ANXA10: variants seen among roughly 807,000 people sequenced by gnomAD.
The protein encoded by ANXA10 is annexin 14.
In ANXA10, 49 loss-of-function variants were observed where a neutral mutation model predicts 53.5. That is an observed-to-expected ratio of 0.92 (90% CI 0.73 to 1.16). The LOEUF (loss-of-function observed/expected upper bound fraction) is 1.16. Ranked by LOEUF, ANXA10 falls within the 50% of genes most tolerant of loss-of-function variation. The pLI, the probability that ANXA10 is intolerant of heterozygous loss-of-function variation, is 0.00. For synonymous variants in ANXA10, 131 were observed against 128.9 expected (o/e 1.02, Z -0.11); for missense variants, 393 against 394.4 (o/e 1.00, Z 0.03).
intron 1 of ANXA10, among the ~76,000 whole-genome samples, chr4:168,126,709 AAATAT>A (rs1213143045): frequency 6.6e-6 from 1 of 152,176 alleles, no homozygotes; most frequent in Non-Finnish European, 1.5e-5. Flanking sequence ...GCAAAACATT[AAATAT>A]AATAAGTATA....
chr4:168,171,508 T>A (rs1731986497), intron 6 of ANXA10, among the ~76,000 whole-genome samples: 1 of 152,172 alleles, frequency 6.6e-6, no homozygotes. Flanking sequence ...TCACTAAAAT[T>A]CAGACACACC....
At chr4:168,173,454 T>C (rs1732056345) in intron 6 of ANXA10, among the ~76,000 whole-genome samples, 1 of 152,204 alleles carries the variant, frequency 6.6e-6, no homozygotes, top group Non-Finnish European at 1.5e-5. Flanking sequence ...CGTGGTTTTA[T>C]GCTTTAAAAT....
intron 1 of ANXA10, among the ~76,000 whole-genome samples, chr4:168,096,927 T>G (rs1730556687): frequency 1.5e-5 from 1 of 65,628 alleles, no homozygotes; most frequent in African/African-American, 4.6e-5. Flanking sequence ...TATATATATA[T>G]ATGTATGTAT....
intron 1 of ANXA10, among the ~76,000 whole-genome samples, chr4:168,125,903 C>T (rs571738759): frequency 9.1e-4 from 138 of 152,014 alleles, no homozygotes; most frequent in Non-Finnish European, 1.7e-3. Context: ...TAACTAGAAG[C>T]AAAGATTATA....
chr4:168,185,024 C>G (rs748766201), intron 11 of ANXA10, among the ~76,000 whole-genome samples: 6 of 152,134 alleles, frequency 3.9e-5, no homozygotes, highest in African/African-American at 1.4e-4. Flanking sequence ...TGTGGTGGCA[C>G]ACGCCTGTAG....
At chr4:168,102,932 A>G (rs1221648103) in intron 1 of ANXA10, among the ~76,000 whole-genome samples, 6 of 152,182 alleles carry the variant, frequency 3.9e-5, no homozygotes, top group African/African-American at 1.4e-4. Flanking sequence ...GAATTTCTTT[A>G]TGGGTAATGA....
intron 1 of ANXA10, among the ~76,000 whole-genome samples, chr4:168,116,670 CAATT>C (rs1340462591): frequency 2.6e-5 from 4 of 151,626 alleles, no homozygotes; most frequent in African/African-American, 9.7e-5. Flanking sequence ...AGAAGAAATC[CAATT>C]AATATGCAAT....
In ANXA10 at chr4:168,187,404, C is replaced by T; in HGVS notation, c.945C>T (p.Ala315=). The T allele has an allele frequency of 1.3e-6, 2 of 1,597,116 alleles. No homozygotes were observed. Among genetic ancestry groups the T allele is most frequent in the Non-Finnish European group, 1.7e-6 (2 of 1,170,462 alleles). The part of the protein sequence containing the change: ...ASGHYKKALL[A]ICAGDAEDY ...GGCATTATAAGAAAGCACTGCTTGCCATCTGTGCTGGTGATGCTGAGGACT... is the reference window on the plus strand; with the variant it reads ...GGCATTATAAGAAAGCACTGCTTGCTATCTGTGCTGGTGATGCTGAGGACT... Residue 315 remains alanine (A), a synonymous_variant, in exon 12 of 12, where the codon GCC becomes GCT. Coordinates refer to ENST00000359299, the MANE Select transcript of ANXA10 (RefSeq NM_007193.5).
In ANXA10 at chr4:168,164,284, C is replaced by T; in HGVS notation, c.396C>T (p.Cys132=). The change falls in exon 5 of 12, where the codon TGC becomes TGT. Residue 132 remains cysteine (C), a synonymous_variant. Coordinates refer to ENST00000359299, the MANE Select transcript of ANXA10 (RefSeq NM_007193.5). ...TTTTCCAGATGCGAGAAGCCTACTG[C>T]TTGCGTAAGGAAATATACATATGTG... The part of the protein sequence containing the change: ...GEIFQMREAY[C]LQYSNNLQED... 1.2e-6 allele frequency: 2 copies of T among 1,605,422 alleles called. No homozygotes were observed. Among genetic ancestry groups the T allele is most frequent in the South Asian group, 1.1e-5 (1 of 90,812 alleles).
chr4:168,154,732 A>G (rs931950251), intron 3 of ANXA10, among the ~76,000 whole-genome samples: 1 of 152,176 alleles, frequency 6.6e-6, no homozygotes, highest in Non-Finnish European at 1.5e-5. Context: ...CTTTGGTCGC[A>G]TATAATTAGT....
chr4:168,148,477 T>A (rs187453054), intron 3 of ANXA10, among the ~76,000 whole-genome samples: 2 of 152,326 alleles, frequency 1.3e-5, no homozygotes, highest in African/African-American at 4.8e-5. Context: ...GACAATTTTT[T>A]AAAATGAGTC....
At chr4:168,126,263 T>G (rs999722981) in intron 1 of ANXA10, among the ~76,000 whole-genome samples, 2 of 152,156 alleles carry the variant, frequency 1.3e-5, no homozygotes, top group Non-Finnish European at 1.5e-5. Flanking sequence ...CTCAAAAAAA[T>G]TAGTAGATTA....
At chr4:168,103,507 G>A (rs553544563) in intron 1 of ANXA10, among the ~76,000 whole-genome samples, 1 of 151,754 alleles carries the variant, frequency 6.6e-6, no homozygotes, top group Admixed American at 6.6e-5. Flanking sequence ...CTGTCCAATC[G>A]AGCTATACTT....
At chr4:168,156,975 G>T (rs1403028699) in intron 3 of ANXA10, among the ~76,000 whole-genome samples, 1 of 151,814 alleles carries the variant, frequency 6.6e-6, no homozygotes, top group Non-Finnish European at 1.5e-5. Flanking sequence ...CATTCCTCTA[G>T]GGCACCAATA....
Position 168,187,461 on chromosome 4 carries a change from A to G in ANXA10, c.*27A>G. The G allele has an allele frequency of 6.7e-7, 1 of 1,488,470 alleles. No individual in the cohort carries two copies. The highest frequency in any genetic ancestry group is 9.1e-7 in the Non-Finnish European group (1 of 1,094,808). The allele number at this position is 1,488,470 out of a possible 1,614,324, so 92.2% of individuals were successfully genotyped here. A position where few individuals can be genotyped will look rare whatever the true frequency, so the allele number is the denominator to read the frequency against. ...ATGAAGAGGACTTGGAGTACTGTGC[A>G]CTCCTCTTTCTAGACACTTCCAAAT... is the stretch of plus-strand genomic sequence containing the variant. On this transcript the variant is annotated 3_prime_UTR_variant, in exon 12 of 12. Coordinates refer to ENST00000359299, the MANE Select transcript of ANXA10 (RefSeq NM_007193.5).
In ANXA10 at chr4:168,143,356, C is replaced by G. The variant is rs549127324; in HGVS notation, c.195+3776C>G. ...AATCAAGAGTTGACAGAATCATTTT[C>G]TTAGCTGCTGAGTGAAGTACAATTC... On this transcript the variant is annotated intron_variant, in intron 3 of 11. Coordinates refer to ENST00000359299, the MANE Select transcript of ANXA10 (RefSeq NM_007193.5). Among the ~76,000 whole-genome samples, 5 of 152,316 alleles carry G rather than the reference C, an allele frequency of 3.3e-5. No homozygotes were observed. The East Asian group carries it at 9.6e-4, about 29-fold the overall frequency.
At chr4:168,166,631 C>CGTGTGTGTGT (rs34797848) in intron 6 of ANXA10, among the ~76,000 whole-genome samples, 93 of 136,794 alleles carry the variant, frequency 6.8e-4, no homozygotes, top group South Asian at 3.3e-3. Flanking sequence ...TTTTGTGTTT[C>CGTGTGTGTGT]GTGTGTGTGT....
intron 3 of ANXA10, among the ~76,000 whole-genome samples, chr4:168,146,516 G>A (rs1424306658): frequency 6.6e-6 from 1 of 152,208 alleles, no homozygotes; most frequent in Non-Finnish European, 1.5e-5. Flanking sequence ...AGATTGGCAA[G>A]CGGTGGTAAC....
intron 1 of ANXA10, among the ~76,000 whole-genome samples, chr4:168,123,789 A>G (rs1731027478): frequency 6.6e-6 from 1 of 152,010 alleles, no homozygotes; most frequent in East Asian, 1.9e-4. Context: ...CTTTTCCCCA[A>G]CTTCTATAAA....
Sources: gnomAD v4.1 joint callset for allele counts (sites outside exome capture counted in the v4.1 genomes callset) on GRCh38, gnomAD v4.1.1 for gene constraint, MANE v1.5 for transcripts, NCBI Gene and HGNC (gene_info 2026-07-23, HGNC 2026-07-21) for gene names.